Variants in BSN observed in about 807,000 individuals in gnomAD.
BSN encodes the protein bassoon presynaptic cytomatrix protein.
A neutral mutation model predicts 264.8 loss-of-function variants in BSN; 57 were observed. The observed-to-expected ratio is 0.22, with a 90% confidence interval of 0.17 to 0.27. BSN has a LOEUF of 0.27. Ranked by LOEUF, BSN falls within the 10% of genes least tolerant of loss-of-function variation. BSN has a pLI of 1.00. For missense variants in BSN, 4,615 were observed against 5,232.5 expected, an observed-to-expected ratio of 0.88 and a Z score of 3.64; for synonymous variants, 2,059 against 2,137.3, an observed-to-expected ratio of 0.96 and a Z score of 1.01.
At chr3:49,586,043 C>G (rs1431234124) in intron 1 of BSN, among the ~76,000 whole-genome samples, 1 of 152,048 alleles carries the variant, frequency 6.6e-6, no homozygotes, top group Non-Finnish European at 1.5e-5. Flanking sequence ...TTATTCCATT[C>G]TGTAGGTTGT....
chr3:49,563,520 T>C (rs1046818695), intron 1 of BSN, among the ~76,000 whole-genome samples: 7 of 152,188 alleles, frequency 4.6e-5, no homozygotes, highest in African/African-American at 1.7e-4. Context: ...AGACTTTAGA[T>C]CTTCAGACTC....
At chr3:49,619,694 C>T (rs532520257) in intron 1 of BSN, among the ~76,000 whole-genome samples, 6 of 152,178 alleles carry the variant, frequency 3.9e-5, no homozygotes, top group Non-Finnish European at 8.8e-5. Context: ...TTCTATGGTA[C>T]GGCTGGGGGT....
At chr3:49,582,665 T>C (rs993432480) in intron 1 of BSN, among the ~76,000 whole-genome samples, 4 of 152,202 alleles carry the variant, frequency 2.6e-5, no homozygotes, top group African/African-American at 4.8e-5. Flanking sequence ...TGACTAGGAC[T>C]TCCAGTACTA....
At chr3:49,561,223 G>A (rs758782459) in intron 1 of BSN, among the ~76,000 whole-genome samples, 2 of 152,206 alleles carry the variant, frequency 1.3e-5, no homozygotes, top group African/African-American at 2.4e-5. Flanking sequence ...CAGGGCCAAC[G>A]GTGAAGAAGA....
chr3:49,655,228 G>A lies in BSN; in HGVS notation c.5672G>A (p.Gly1891Glu). 6.2e-7 allele frequency: 1 copy of A among 1,613,078 alleles called. No individual in the cohort carries two copies. Among genetic ancestry groups the A allele is most frequent in the Non-Finnish European group, 8.5e-7 (1 of 1,179,942 alleles). ...CCTGCGGGTGCCCTGGACCTTACCG[G>A]GATGAGGCCTGAGAGCCAGCTGGCA... The part of the protein sequence containing the change: ...EEPAGALDLT[G>E]MRPESQLACC... The change falls in exon 5 of 12, where the codon GGG becomes GAG. Residue 1891 changes from glycine (G) to glutamate (E), a missense_variant. Around this residue, in one of 3 missense-constraint regions of BSN, gnomAD observed 3,415 missense variants for 3,866.4 expected, o/e 0.88. Coordinates refer to ENST00000296452, the MANE Select transcript of BSN (RefSeq NM_003458.4).
In BSN at chr3:49,659,773, G is replaced by A. The variant is rs555706544; in HGVS notation, c.8641-713G>A. 9.9e-5 allele frequency among the ~76,000 whole-genome samples: 15 copies of A among 152,240 alleles called. No homozygotes were observed. In the East Asian group the frequency reaches 2.5e-3, roughly 25 times the overall value. ...GGAGGTAGGGCTGGATAGGACTTAC[G>A]GGTGCACTGGTGGCTCCAGAGAACA... On this transcript the variant is annotated intron_variant, in intron 5 of 11. Coordinates refer to ENST00000296452, the MANE Select transcript of BSN (RefSeq NM_003458.4).
rs116046827 is a variant in BSN at position 49,618,715 on chromosome 3, T to C, written c.225-6260T>C. 8.5e-3 allele frequency among the ~76,000 whole-genome samples: 1,299 copies of C among 152,306 alleles called. 10 individuals carry two copies. The highest frequency in any genetic ancestry group is 0.014 in the Non-Finnish European group (929 of 68,014). Reference sequence around the variant, plus strand: ...GCTGTTGCCTCTGCCTAGCATGCCCTGTCACCTTGGCATGAACAGCTCATC... The same window carrying C: ...GCTGTTGCCTCTGCCTAGCATGCCCCGTCACCTTGGCATGAACAGCTCATC... On this transcript the variant is annotated intron_variant, in intron 1 of 11. Coordinates refer to ENST00000296452, the MANE Select transcript of BSN (RefSeq NM_003458.4).
At chr3:49,579,640 C>T (rs1380158638) in intron 1 of BSN, among the ~76,000 whole-genome samples, 1 of 151,498 alleles carries the variant, frequency 6.6e-6, no homozygotes, top group African/African-American at 2.4e-5. Flanking sequence ...TCAGGCTGGT[C>T]TCGAACTCCT....
intron 10 of BSN, 55 bp downstream of exon 10, chr3:49,664,908 G>T: frequency 7.3e-7 from 1 of 1,378,414 alleles, no homozygotes; most frequent in South Asian, 1.2e-5. Context: ...GAGGCACTGG[G>T]GGTGGGGGTG....
At chr3:49,637,473 C>T (rs2108067822) in intron 2 of BSN, among the ~76,000 whole-genome samples, 1 of 152,312 alleles carries the variant, frequency 6.6e-6, no homozygotes, top group Middle Eastern at 3.4e-3. Context: ...GCCCTCCTTG[C>T]TCCAGAGCCC....
At chr3:49,643,176 C>G (rs1286736226) in intron 3 of BSN, 24 bp downstream of exon 3, 3 of 1,584,302 alleles carry the variant, frequency 1.9e-6, no homozygotes, top group Non-Finnish European at 2.6e-6. Context: ...CAAGCATGCT[C>G]CCTTGAACCT....
At chr3:49,626,075 G>A (rs1291516470) in intron 2 of BSN, among the ~76,000 whole-genome samples, 1 of 152,156 alleles carries the variant, frequency 6.6e-6, no homozygotes, top group Non-Finnish European at 1.5e-5. Flanking sequence ...CTTCTTTTTC[G>A]CCCAAGAGGA....
rs746839582 is a variant in BSN, at chr3:49,656,841, C to G, written c.7285C>G (p.Gln2429Glu). ...LQTIKHHVLQ[Q>E]QQEERQAQFA... ...GACCATCAAGCACCATGTGCTGCAG[C>G]AGCAGCAAGAGGAACGCCAGGCTCA... The change falls in exon 5 of 12, where the codon CAG becomes GAG. Residue 2429 changes from glutamine (Q) to glutamate (E), a missense_variant. By Grantham distance (29) the Gln-to-Glu change is conservative. Coordinates refer to ENST00000296452, the MANE Select transcript of BSN (RefSeq NM_003458.4). The G allele has an allele frequency of 1.2e-5, 20 of 1,601,268 alleles. No homozygotes were observed. The highest frequency in any genetic ancestry group is 1.7e-5 in the Non-Finnish European group (20 of 1,174,554).
intron 1 of BSN, among the ~76,000 whole-genome samples, chr3:49,563,786 C>A: frequency 6.6e-6 from 1 of 152,206 alleles, no homozygotes; most frequent in South Asian, 2.1e-4. Context: ...TCTGTAGGGG[C>A]TACAGCTCTC....
intron 1 of BSN, among the ~76,000 whole-genome samples, chr3:49,619,340 C>T (rs758700353): frequency 6.6e-6 from 1 of 152,202 alleles, no homozygotes; most frequent in Non-Finnish European, 1.5e-5. Context: ...GAAACCTCTT[C>T]CCAGGGAGCT....
Position 49,660,950 on chromosome 3 carries a change from C to T in BSN, c.9105C>T (p.Phe3035=). 2 of 1,612,158 alleles carry T rather than the reference C, an allele frequency of 1.2e-6. No individual in the cohort carries two copies. Among genetic ancestry groups the T allele is most frequent in the Non-Finnish European group, 1.7e-6 (2 of 1,180,008 alleles). The change falls in exon 6 of 12, where the codon TTC becomes TTT. Residue 3035 remains phenylalanine (F), a synonymous_variant. Coordinates refer to ENST00000296452, the MANE Select transcript of BSN (RefSeq NM_003458.4). This position sits in a 1 kb window ranked among gnomAD's most constrained non-coding sequence, Gnocchi z 7.1. The part of the protein sequence containing the change: ...CTTPAGQFVD[F]PATAAAPATP... ...CTCCCGCTGGCCAGTTTGTGGACTT[C>T]CCTGCCACTGCCGCTGCTCCTGCCA... is the stretch of plus-strand genomic sequence containing the variant.
At chr3:49,643,198 C>G (rs200687521) in intron 3 of BSN, 46 bp downstream of exon 3, 2 of 1,559,934 alleles carry the variant, frequency 1.3e-6, no homozygotes, top group East Asian at 4.5e-5. Flanking sequence ...GATGAGAGGC[C>G]GGGCCTGGGT....
rs758729657 is a variant in BSN at position 49,664,564 on chromosome 3, GC to G, written c.11740+12del. 61 of 1,587,890 alleles carry G rather than the reference GC, an allele frequency of 3.8e-5. No individual in the cohort carries two copies. The South Asian group carries it at 6.6e-4, about 17-fold the overall frequency. Reference sequence around the variant, plus strand: ...GGCAAACTGACGGAAGGTATGCACTGCCTGCAACTGGTCTGTGGTGGGTGGC... The same window carrying G: ...GGCAAACTGACGGAAGGTATGCACTGCTGCAACTGGTCTGTGGTGGGTGGC... On this transcript the variant is annotated intron_variant, in intron 9 of 11. Transcript: ENST00000296452.
rs1267393391 is a variant in BSN, at chr3:49,652,198, C to G, written c.2642C>G (p.Pro881Arg). 2.5e-6 allele frequency: 4 copies of G among 1,613,564 alleles called. No individual in the cohort carries two copies. Among genetic ancestry groups the G allele is most frequent in the Non-Finnish European group, 3.4e-6 (4 of 1,179,806 alleles). The change falls in exon 5 of 12, where the codon CCC (proline) becomes CGC (arginine). Residue 881 changes from proline to arginine, a missense_variant. Coordinates refer to ENST00000296452, the MANE Select transcript of BSN (RefSeq NM_003458.4). ...GGCACCCAGAAAGGTGGCCCCAGAC[C>G]CAGGCCTGAGCCTAGCCAAGAACCA... The part of the protein sequence containing the change: ...KHGTQKGGPR[P>R]RPEPSQEPAA...
Sources: allele counts gnomAD v4.1 joint callset (sites outside exome capture counted in the v4.1 genomes callset), GRCh38; gene constraint gnomAD v4.1.1; regional missense constraint gnomAD v4.1.1; non-coding constraint Gnocchi (gnomAD v3.1); transcripts MANE v1.5; gene names NCBI Gene and HGNC (gene_info 2026-07-23, HGNC 2026-07-21).